PRDM16: variants seen among roughly 807,000 people sequenced by gnomAD.
The protein encoded by PRDM16 is histone-lysine N-methyltransferase PRDM16.
In PRDM16, 23 loss-of-function variants were observed where a neutral mutation model predicts 110.6. That is an observed-to-expected ratio of 0.21 (90% CI 0.15 to 0.29). PRDM16 has a LOEUF of 0.29. Ranked by LOEUF, PRDM16 falls within the 10% of genes least tolerant of loss-of-function variation. The pLI is 1.00. For missense variants in PRDM16, 1,615 were observed against 1,794.3 expected, an observed-to-expected ratio of 0.90 and a Z score of 1.81; for synonymous variants, 799 against 781.8, an observed-to-expected ratio of 1.02 and a Z score of -0.37.
At chr1:3,430,323 TC>T (rs897163641) in intron 14 of PRDM16, among the ~76,000 whole-genome samples, 2 of 151,074 alleles carry the variant, frequency 1.3e-5, no homozygotes, top group African/African-American at 2.4e-5. Flanking sequence ...TGCAGAAGAG[TC>T]CCCCCACAGG....
At chr1:3,365,674 G>A (rs1013216865) in intron 3 of PRDM16, among the ~76,000 whole-genome samples, 7 of 152,228 alleles carry the variant, frequency 4.6e-5, no homozygotes, top group African/African-American at 1.7e-4. Flanking sequence ...CCCTGAAGCT[G>A]CCACTGCACA....
rs1031596675 is a variant in PRDM16, at chr1:3,414,626, C to T, written c.2670C>T (p.Ser890=). The change falls in exon 10 of 17, where the codon TCC becomes TCT. Residue 890 remains serine (S), a synonymous_variant. Coordinates refer to ENST00000270722, the MANE Select transcript of PRDM16 (RefSeq NM_022114.4). ...GALKEKYLRP[S]PLLFHPQMSA... Reference sequence around the variant, plus strand: ...TGAAGGAGAAGTACCTGCGGCCGTCCCCGCTGCTCTTCCACCCCCAGGTAC... The same window carrying T: ...TGAAGGAGAAGTACCTGCGGCCGTCTCCGCTGCTCTTCCACCCCCAGGTAC... The T allele has an allele frequency of 6.2e-6, 10 of 1,613,134 alleles. No homozygotes were observed. The African/African-American group carries it at 1.2e-4, about 19-fold the overall frequency.
rs1408154473 is a variant in PRDM16 at position 3,430,935 on chromosome 1, G to C, written c.3348G>C (p.Glu1116Asp). Residue 1116 changes from glutamate to aspartate, a missense_variant, in exon 15 of 17, where the codon GAG becomes GAC. Glu to Asp is a conservative substitution (Grantham distance 45). This residue lies in a region of PRDM16 where 327 missense variants were observed against 359.3 expected (regional missense o/e 0.91). Coordinates refer to ENST00000270722, the MANE Select transcript of PRDM16 (RefSeq NM_022114.4). ...CAGGCCTAGCCAGTGAGAAGCAGGAGGACGTGGAGGAGGAGGACGACGATG... is the reference window on the plus strand; with the variant it reads ...CAGGCCTAGCCAGTGAGAAGCAGGACGACGTGGAGGAGGAGGACGACGATG... ...QCPGLASEKQ[E>D]DVEEEDDDDL... 1 of 1,614,142 alleles carries C rather than the reference G, an allele frequency of 6.2e-7. No individual in the cohort carries two copies. The highest frequency in any genetic ancestry group is 8.5e-7 in the Non-Finnish European group (1 of 1,180,008).
At chr1:3,118,432 C>T (rs1643018794) in intron 1 of PRDM16, among the ~76,000 whole-genome samples, 1 of 152,174 alleles carries the variant, frequency 6.6e-6, no homozygotes, top group South Asian at 2.1e-4. Flanking sequence ...ACACTCCCTA[C>T]CCAGGACCTA....
At chr1:3,401,412 G>A (rs931839739) in intron 5 of PRDM16, among the ~76,000 whole-genome samples, 2 of 152,122 alleles carry the variant, frequency 1.3e-5, no homozygotes, top group Non-Finnish European at 2.9e-5. Flanking sequence ...GTCAGTCCTC[G>A]TGCACGTGCA....
chr1:3,236,687 C>T (rs574325460), intron 2 of PRDM16, among the ~76,000 whole-genome samples: 2 of 152,340 alleles, frequency 1.3e-5, no homozygotes, highest in South Asian at 2.1e-4. Flanking sequence ...AGGGTCCACT[C>T]ACCTTGATCT....
chr1:3,116,303 C>T (rs1319586531), intron 1 of PRDM16, among the ~76,000 whole-genome samples: 4 of 152,162 alleles, frequency 2.6e-5, no homozygotes, highest in Middle Eastern at 3.2e-3. Flanking sequence ...CCTGCGCCGG[C>T]GTGCTCACTC....
chr1:3,328,991 A>G (rs1641984403), intron 3 of PRDM16, among the ~76,000 whole-genome samples: 1 of 152,054 alleles, frequency 6.6e-6, no homozygotes, highest in Admixed American at 6.5e-5. Flanking sequence ...CCCAGGCCAG[A>G]GGAGAACAGG....
At position 3,353,585 on chromosome 1, in the gene PRDM16, C is replaced by T. The variant is rs528624854; in HGVS notation, c.439-31567C>T. Among the ~76,000 whole-genome samples the T allele has an allele frequency of 6.6e-6, 1 of 152,334 alleles. No individual in the cohort carries two copies. Among genetic ancestry groups the T allele is most frequent in the East Asian group, 1.9e-4 (1 of 5,174 alleles). Reference sequence around the variant, plus strand: ...GGGGGCCACGGGCTGAGGGCACAGGCCACAGGGGATGAGTCCAGCCCCGCA... The same window carrying T: ...GGGGGCCACGGGCTGAGGGCACAGGTCACAGGGGATGAGTCCAGCCCCGCA... On this transcript the variant is annotated intron_variant, in intron 3 of 16. Coordinates refer to ENST00000270722, the MANE Select transcript of PRDM16 (RefSeq NM_022114.4). The surrounding 1 kb of genome is among the most constrained non-coding windows in gnomAD (Gnocchi z 5.4).
In PRDM16 at chr1:3,213,376, G is replaced by A. The variant is rs775610721; in HGVS notation, c.387+26902G>A. Among the ~76,000 whole-genome samples the A allele has an allele frequency of 6.6e-6, 1 of 152,030 alleles. No homozygotes were observed. ...TTGCTGGGGAGAGGGGTGTGGGGGC[G>A]GGATGGCGGGTCCTGGGCGTCTCGG... On this transcript the variant is annotated intron_variant, in intron 2 of 16. Transcript: ENST00000270722. The surrounding 1 kb of genome is among the most constrained non-coding windows in gnomAD (Gnocchi z 5.3).
chr1:3,084,590 G>T (rs1447892501), intron 1 of PRDM16, among the ~76,000 whole-genome samples: 1 of 152,202 alleles, frequency 6.6e-6, no homozygotes, highest in African/African-American at 2.4e-5. Context: ...GCCCCAGAAT[G>T]GAGGCCGCTG....
At chr1:3,414,511 C>T (rs757496917) in intron 9 of PRDM16, 49 bp from the exon 10 acceptor site, 11 of 1,442,612 alleles carry the variant, frequency 7.6e-6, no homozygotes, top group East Asian at 2.4e-5. Context: ...GGTGGCTCGG[C>T]GGGGCGGGCG....
At chr1:3,364,912 C>T (rs1043816246) in intron 3 of PRDM16, among the ~76,000 whole-genome samples, 2 of 152,186 alleles carry the variant, frequency 1.3e-5, no homozygotes, top group African/African-American at 4.8e-5. Flanking sequence ...GCCTTCTGCA[C>T]GCTGCCAGGG....
rs983979051 is a variant in PRDM16, at chr1:3,435,210, C to T, written c.*1399C>T. 1.3e-5 allele frequency: 3 copies of T among 222,394 alleles called. No individual in the cohort carries two copies. The Admixed American group carries it at 1.7e-4, about 13-fold the overall frequency. The allele number at this position is 222,394 out of a possible 1,614,324, so 13.8% of individuals were successfully genotyped here. On this transcript the variant is annotated 3_prime_UTR_variant, in exon 17 of 17. Coordinates refer to ENST00000270722, the MANE Select transcript of PRDM16 (RefSeq NM_022114.4). ...TAATTTTTTTCCCTGATGGAATTTA[C>T]CTTAATCTGTATATAACTTGTAATT...
rs889698176 is a variant in PRDM16, at chr1:3,173,585, C to T, written c.38-12540C>T. Reference sequence around the variant, plus strand: ...GAGGGGCGTTCGTGGGCAGTGGCTTCGTGGACCCCAGTGGGACTTTGTGGT... The same window carrying T: ...GAGGGGCGTTCGTGGGCAGTGGCTTTGTGGACCCCAGTGGGACTTTGTGGT... On this transcript the variant is annotated intron_variant, in intron 1 of 16. Transcript: ENST00000270722. Among the ~76,000 whole-genome samples the T allele has an allele frequency of 4.6e-5, 7 of 152,296 alleles. No individual in the cohort carries two copies. In the South Asian group the frequency reaches 1.0e-3, roughly 23 times the overall value.
At chr1:3,228,615 G>A (rs1453303367) in intron 2 of PRDM16, among the ~76,000 whole-genome samples, 2 of 152,198 alleles carry the variant, frequency 1.3e-5, no homozygotes, top group Non-Finnish European at 2.9e-5. Flanking sequence ...CCTCGACAAC[G>A]TTGCAGCTGC....
At chr1:3,223,099 A>C (rs1255792150) in intron 2 of PRDM16, among the ~76,000 whole-genome samples, 1 of 134,310 alleles carries the variant, frequency 7.4e-6, no homozygotes, top group African/African-American at 3.3e-5. Context: ...GGCCAAAATC[A>C]AGGCTTTTTT....
intron 1 of PRDM16, among the ~76,000 whole-genome samples, chr1:3,153,533 C>T (rs1342455497): frequency 1.3e-5 from 2 of 152,218 alleles, no homozygotes; most frequent in Non-Finnish European, 2.9e-5. Flanking sequence ...TCATGTGCTG[C>T]AGGAGAAACG....
At position 3,157,617 on chromosome 1, in the gene PRDM16, C is replaced by T. The variant is rs1643869362; in HGVS notation, c.38-28508C>T. 6.6e-6 allele frequency among the ~76,000 whole-genome samples: 1 copy of T among 152,112 alleles called. No individual in the cohort carries two copies. The stretch of plus-strand genomic sequence containing the variant: ...GGAATTACAGGGAAAGTGGACCTGT[C>T]GGCTCTGTTCATGGACAGTATGGTG... On this transcript the variant is annotated intron_variant, in intron 1 of 16. Coordinates refer to ENST00000270722, the MANE Select transcript of PRDM16 (RefSeq NM_022114.4). The surrounding 1 kb of genome is among the most constrained non-coding windows in gnomAD (Gnocchi z 4.8).
Sources: gnomAD v4.1 joint callset for allele counts (sites outside exome capture counted in the v4.1 genomes callset) on GRCh38, gnomAD v4.1.1 for gene constraint, gnomAD v4.1.1 regional missense constraint, Gnocchi (gnomAD v3.1) non-coding constraint, MANE v1.5 for transcripts, NCBI Gene and HGNC (gene_info 2026-07-23, HGNC 2026-07-21) for gene names.